Variants in CHRM3 observed in about 807,000 individuals in gnomAD.
CHRM3 encodes the protein cholinergic receptor muscarinic 3.
CHRM3 carries 11 observed loss-of-function variants against 41.8 expected under a neutral mutation model. The ratio of observed to expected loss-of-function variants is 0.26; its 90% CI spans 0.17 to 0.44. The LOEUF (loss-of-function observed/expected upper bound fraction) is 0.44. Among genes scored for constraint, CHRM3 ranks in the 20% least tolerant of loss-of-function variants. The pLI is 1.00. For synonymous variants in CHRM3, 297 were observed against 301.4 expected (o/e 0.99, Z 0.15); for missense variants, 571 against 745.4 (o/e 0.77, Z 2.72).
chr1:239,656,809 T>C (rs959887807), intron 4 of CHRM3, among the ~76,000 whole-genome samples: 2 of 152,172 alleles, frequency 1.3e-5, no homozygotes, highest in South Asian at 4.1e-4. Flanking sequence ...AATCATACTT[T>C]GTTTTTATAG....
At chr1:239,839,430 T>G (rs1483351694) in intron 6 of CHRM3, among the ~76,000 whole-genome samples, 1 of 152,212 alleles carries the variant, frequency 6.6e-6, no homozygotes, top group Non-Finnish European at 1.5e-5. Flanking sequence ...TGGAATGCAC[T>G]ATGGGGTCTG....
intron 1 of CHRM3, among the ~76,000 whole-genome samples, chr1:239,450,752 TG>T (rs1490236146): frequency 6.6e-6 from 1 of 152,248 alleles, no homozygotes; most frequent in East Asian, 1.9e-4. Flanking sequence ...TAGGCAGTAA[TG>T]GCCATTTTCA....
intron 3 of CHRM3, among the ~76,000 whole-genome samples, chr1:239,576,108 GTCC>G (rs766994036): frequency 2.3e-4 from 35 of 152,008 alleles, no homozygotes; most frequent in Admixed American, 5.9e-4. Flanking sequence ...ATCACATAAT[GTCC>G]TCAAGCTTCA....
chr1:239,679,271 A>T (rs570388056), intron 5 of CHRM3, among the ~76,000 whole-genome samples: 2 of 152,274 alleles, frequency 1.3e-5, no homozygotes, highest in African/African-American at 4.8e-5. Flanking sequence ...CAACAGGAAA[A>T]CTACATAACA....
At chr1:239,397,947 C>T (rs184714569) in intron 1 of CHRM3, among the ~76,000 whole-genome samples, 175 of 151,970 alleles carry the variant, frequency 1.2e-3, no homozygotes, top group Middle Eastern at 6.8e-3. Flanking sequence ...TAGAAGTAAA[C>T]ATCAATATTC....
At chr1:239,540,426 A>G (rs1572649767) in intron 2 of CHRM3, among the ~76,000 whole-genome samples, 1 of 152,200 alleles carries the variant, frequency 6.6e-6, no homozygotes, top group Admixed American at 6.5e-5. Context: ...TTCCATTCCC[A>G]ATAGTAAAAT....
chr1:239,576,803 G>T (rs1415507846), intron 3 of CHRM3, among the ~76,000 whole-genome samples: 1 of 145,890 alleles, frequency 6.9e-6, no homozygotes, highest in South Asian at 2.2e-4. Context: ...AAAAAAAAAA[G>T]AAAATCACCA....
At chr1:239,479,038 G>A (rs1050916088) in intron 1 of CHRM3, among the ~76,000 whole-genome samples, 2 of 152,058 alleles carry the variant, frequency 1.3e-5, no homozygotes, top group Non-Finnish European at 2.9e-5. Context: ...ACAAAAATTA[G>A]CCAGGTGTGT....
intron 6 of CHRM3, among the ~76,000 whole-genome samples, chr1:239,840,038 C>A (rs977047114): frequency 6.6e-6 from 1 of 152,176 alleles, no homozygotes; most frequent in East Asian, 1.9e-4. Flanking sequence ...TGCACGCATA[C>A]ACTTTTACTC....
chr1:239,408,547 C>A (rs1003221560), intron 1 of CHRM3, among the ~76,000 whole-genome samples: 1 of 142,964 alleles, frequency 7.0e-6, no homozygotes, highest in Non-Finnish European at 1.5e-5. Flanking sequence ...AAAAAAAACT[C>A]TCTCCTTTAT....
At chr1:239,746,999 G>A (rs1015303968) in intron 5 of CHRM3, among the ~76,000 whole-genome samples, 5 of 151,766 alleles carry the variant, frequency 3.3e-5, no homozygotes, top group South Asian at 2.1e-4. Context: ...CTCGTGATCC[G>A]CCCGCCTCAG....
intron 2 of CHRM3, among the ~76,000 whole-genome samples, chr1:239,540,751 T>C (rs2148387596): frequency 6.6e-6 from 1 of 152,312 alleles, no homozygotes. Flanking sequence ...TTTTATATTC[T>C]GTATTTTGCA....
chr1:239,867,079 G>C (rs957163361), intron 6 of CHRM3, among the ~76,000 whole-genome samples: 1 of 152,180 alleles, frequency 6.6e-6, no homozygotes, highest in African/African-American at 2.4e-5. Flanking sequence ...CTTGGGGAAG[G>C]AATGTTTGCC....
chr1:239,862,843 G>C (rs1255789383), intron 6 of CHRM3, among the ~76,000 whole-genome samples: 1 of 152,128 alleles, frequency 6.6e-6, no homozygotes, highest in Admixed American at 6.5e-5. Context: ...TTGTACTTCG[G>C]TGAAATCAAA....
intron 1 of CHRM3, among the ~76,000 whole-genome samples, chr1:239,402,766 A>G (rs770860838): frequency 2.6e-5 from 4 of 152,188 alleles, no homozygotes; most frequent in Non-Finnish European, 2.9e-5. Context: ...AGGATGCTCA[A>G]GTCTCTTGTA....
intron 2 of CHRM3, among the ~76,000 whole-genome samples, chr1:239,543,301 A>G (rs900971109): frequency 1.3e-5 from 2 of 152,084 alleles, no homozygotes; most frequent in African/African-American, 4.8e-5. Context: ...TGTGCCTCCT[A>G]CAGGGAAAAT....
In CHRM3 at chr1:239,681,843, G is replaced by A. The variant is rs1334940629; in HGVS notation, c.-147+3555G>A. Among the ~76,000 whole-genome samples, 100 of 152,012 alleles carry A rather than the reference G, an allele frequency of 6.6e-4. 2 individuals are homozygous for A. Among genetic ancestry groups the A allele is most frequent in the East Asian group, 1.9e-4 (1 of 5,174 alleles). On this transcript the variant is annotated intron_variant, in intron 5 of 6. Coordinates refer to ENST00000676153, the MANE Select transcript of CHRM3 (RefSeq NM_001375978.1). ...GAGCCCAGGAGTTTAAGATGACAGC[G>A]AGCTATGATCATGCCACTGCACTCC...
At chr1:239,406,178 C>T (rs575606284) in intron 1 of CHRM3, among the ~76,000 whole-genome samples, 1 of 152,206 alleles carries the variant, frequency 6.6e-6, no homozygotes, top group Non-Finnish European at 1.5e-5. Flanking sequence ...GCGTGAGCCA[C>T]CGTGCCTGGC....
chr1:239,446,060 C>T (rs1664109892), intron 1 of CHRM3, among the ~76,000 whole-genome samples: 1 of 152,062 alleles, frequency 6.6e-6, no homozygotes, highest in Non-Finnish European at 1.5e-5. Context: ...GCCTCAGCCT[C>T]TGAGTAGCTG....
Sources: gnomAD v4.1 joint callset for allele counts (sites outside exome capture counted in the v4.1 genomes callset) on GRCh38, gnomAD v4.1.1 for gene constraint, MANE v1.5 for transcripts, NCBI Gene and HGNC (gene_info 2026-07-23, HGNC 2026-07-21) for gene names.